Variants in TMEM132D observed in about 807,000 individuals in gnomAD.
The protein encoded by TMEM132D is transmembrane protein 132D.
TMEM132D carries 21 observed loss-of-function variants against 62.3 expected under a neutral mutation model. That is an observed-to-expected ratio of 0.34 (90% confidence interval 0.24 to 0.49). The LOEUF (loss-of-function observed/expected upper bound fraction) is 0.49, where lower values mean the gene tolerates loss of function less well. Ranked by LOEUF, TMEM132D falls within the 20% of genes least tolerant of loss-of-function variation. The pLI is 0.99. For missense variants in TMEM132D, 1,346 were observed against 1,402.8 expected (o/e 0.96, Z 0.65); for synonymous variants, 621 against 575.6 (o/e 1.08, Z -1.13).
chr12:129,188,739 G>A (rs1878288303), intron 5 of TMEM132D, among the ~76,000 whole-genome samples: 1 of 150,376 alleles, frequency 6.6e-6, no homozygotes. Flanking sequence ...GAGAGGGAAG[G>A]AGGGAGAGGG....
intron 4 of TMEM132D, among the ~76,000 whole-genome samples, chr12:129,240,038 C>T (rs553738031): frequency 6.6e-6 from 1 of 152,266 alleles, no homozygotes; most frequent in South Asian, 2.1e-4. Flanking sequence ...GTCTGCCTTC[C>T]AGTCTAAAGA....
chr12:129,693,946 T>A (rs990208322), intron 2 of TMEM132D, among the ~76,000 whole-genome samples: 1 of 152,202 alleles, frequency 6.6e-6, no homozygotes, highest in Admixed American at 6.5e-5. Context: ...TGAATCATCA[T>A]GTAAGGCTCC....
At chr12:129,554,161 C>T (rs1300785080) in intron 2 of TMEM132D, among the ~76,000 whole-genome samples, 1 of 152,188 alleles carries the variant, frequency 6.6e-6, no homozygotes, top group Non-Finnish European at 1.5e-5. Context: ...TCACGGCTCA[C>T]ACTGCATCAT....
At chr12:129,714,908 A>T (rs1351060727) in intron 1 of TMEM132D, among the ~76,000 whole-genome samples, 1 of 152,144 alleles carries the variant, frequency 6.6e-6, no homozygotes, top group Non-Finnish European at 1.5e-5. Context: ...TGCAGTTTGG[A>T]CACAGAGCGC....
At chr12:129,406,358 C>T (rs867681522) in intron 3 of TMEM132D, among the ~76,000 whole-genome samples, 10 of 152,150 alleles carry the variant, frequency 6.6e-5, no homozygotes, top group Non-Finnish European at 1.0e-4. Context: ...TGGTGGCTTA[C>T]GCCTGTAATC....
chr12:129,564,587 G>A (rs1052421862), intron 2 of TMEM132D, among the ~76,000 whole-genome samples: 4 of 152,076 alleles, frequency 2.6e-5, no homozygotes, highest in Non-Finnish European at 5.9e-5. Flanking sequence ...CAGTGAACAC[G>A]TCCCTCGGCC....
chr12:129,790,882 A>T (rs1005439333), intron 1 of TMEM132D, among the ~76,000 whole-genome samples: 15 of 152,210 alleles, frequency 9.9e-5, no homozygotes, highest in African/African-American at 3.1e-4. Context: ...TGTTTAATAG[A>T]TGTTCTTTAA....
Position 129,108,631 on chromosome 12 carries a change from A to G in TMEM132D, c.1444-23929T>C, listed in dbSNP as rs532372283. 9.2e-5 allele frequency among the ~76,000 whole-genome samples: 14 copies of G among 152,258 alleles called. No individual in the cohort carries two copies. In the South Asian group the frequency reaches 2.5e-3, roughly 27 times the overall value. ...TCAGACTCTTCTATCTCCTCTGCCAATTCTGGGGAAGCACTCCCTGGCTCT... is the reference window on the plus strand; with the variant it reads ...TCAGACTCTTCTATCTCCTCTGCCAGTTCTGGGGAAGCACTCCCTGGCTCT... On this transcript the variant is annotated intron_variant, in intron 5 of 8. Transcript: ENST00000422113.
intron 3 of TMEM132D, among the ~76,000 whole-genome samples, chr12:129,414,203 A>T (rs1489377591): frequency 1.3e-5 from 2 of 151,940 alleles, no homozygotes; most frequent in East Asian, 3.8e-4. Context: ...TAAATTATAC[A>T]TTTGTTTTTG....
At chr12:129,712,998 C>T (rs1243761695) in intron 1 of TMEM132D, among the ~76,000 whole-genome samples, 4 of 152,136 alleles carry the variant, frequency 2.6e-5, no homozygotes, top group Admixed American at 2.6e-4. Context: ...CCGATTTAGC[C>T]ACTGTTACTT....
At chr12:129,409,792 C>T (rs1871909786) in intron 3 of TMEM132D, among the ~76,000 whole-genome samples, 2 of 152,202 alleles carry the variant, frequency 1.3e-5, no homozygotes. Context: ...ATTGCCTATT[C>T]CAGGGAGCGT....
At chr12:129,129,463 G>T (rs1290521713) in intron 5 of TMEM132D, among the ~76,000 whole-genome samples, 1 of 152,194 alleles carries the variant, frequency 6.6e-6, no homozygotes, top group Non-Finnish European at 1.5e-5. Flanking sequence ...GAGTGCATAT[G>T]TCATGTTGGT....
chr12:129,580,858 G>A (rs1363084298), intron 2 of TMEM132D, among the ~76,000 whole-genome samples: 1 of 152,140 alleles, frequency 6.6e-6, no homozygotes, highest in Non-Finnish European at 1.5e-5. Context: ...AGTCTGATAT[G>A]GAACTCTATA....
chr12:129,279,549 A>AG (rs1201524194), intron 4 of TMEM132D, among the ~76,000 whole-genome samples: 1 of 148,116 alleles, frequency 6.8e-6, no homozygotes, highest in Non-Finnish European at 1.5e-5. Context: ...CCTTAACTTG[A>AG]TTTTTTTTTT....
At chr12:129,250,670 A>C (rs1880241395) in intron 4 of TMEM132D, among the ~76,000 whole-genome samples, 1 of 152,182 alleles carries the variant, frequency 6.6e-6, no homozygotes, top group Non-Finnish European at 1.5e-5. Flanking sequence ...GTTCAAAGTG[A>C]TTTAATGACA....
intron 5 of TMEM132D, among the ~76,000 whole-genome samples, chr12:129,130,057 A>C (rs1014615819): frequency 5.5e-5 from 3 of 54,166 alleles, no homozygotes; most frequent in African/African-American, 1.8e-4. Context: ...GTGTGTGTTT[A>C]TTTATGCAGT....
intron 3 of TMEM132D, among the ~76,000 whole-genome samples, chr12:129,382,128 T>C (rs1387743486): frequency 1.3e-5 from 2 of 152,218 alleles, no homozygotes; most frequent in Non-Finnish European, 2.9e-5. Flanking sequence ...TACCAAAAAA[T>C]AATTTAAATT....
intron 1 of TMEM132D, among the ~76,000 whole-genome samples, chr12:129,902,756 T>C (rs963116290): frequency 3.3e-5 from 5 of 152,266 alleles, no homozygotes; most frequent in Admixed American, 2.6e-4. Flanking sequence ...CCCCCCAGGC[T>C]ATATTTTTGG....
intron 2 of TMEM132D, among the ~76,000 whole-genome samples, chr12:129,650,553 A>G (rs893248187): frequency 1.3e-5 from 2 of 152,230 alleles, no homozygotes; most frequent in Non-Finnish European, 2.9e-5. Context: ...AAACGATTGT[A>G]ACAAGTCATC....
Sources: gnomAD v4.1 joint callset for allele counts (sites outside exome capture counted in the v4.1 genomes callset) on GRCh38, gnomAD v4.1.1 for gene constraint, MANE v1.5 for transcripts, NCBI Gene and HGNC (gene_info 2026-07-23, HGNC 2026-07-21) for gene names.